MDGA2: variants seen among roughly 807,000 people sequenced by gnomAD.
The protein encoded by MDGA2 is MAM domain containing glycosylphosphatidylinositol anchor 2.
A neutral mutation model predicts 117.8 loss-of-function variants in MDGA2; 40 were observed. The observed-to-expected ratio is 0.34, with a 90% CI of 0.26 to 0.44. MDGA2 has a LOEUF of 0.44. MDGA2 is among the 20% of genes least tolerant of loss of function. MDGA2 has a pLI of 1.00. For missense variants in MDGA2, 1,123 were observed against 1,250.6 expected, an observed-to-expected ratio of 0.90 and a Z score of 1.54; for synonymous variants, 452 against 439.0, an observed-to-expected ratio of 1.03 and a Z score of -0.37.
At chr14:47,476,137 T>C (rs1216730543) in intron 1 of MDGA2, among the ~76,000 whole-genome samples, 1 of 152,184 alleles carries the variant, frequency 6.6e-6, no homozygotes, top group African/African-American at 2.4e-5. Flanking sequence ...CAAAGATCCA[T>C]GAATATAAAC....
At chr14:47,304,454 A>G (rs1889378247) in intron 1 of MDGA2, among the ~76,000 whole-genome samples, 1 of 152,116 alleles carries the variant, frequency 6.6e-6, no homozygotes, top group African/African-American at 2.4e-5. Flanking sequence ...GGCTAGGGGT[A>G]TAAAAAACTA....
chr14:47,108,728 A>G lies in MDGA2; in HGVS notation c.926-11605T>C, dbSNP rs568147515. ...AATAAACAGCCATGTTGCTCACACA[A>G]AGTCTGTTTGGTGCTCTCTTCACAC... On this transcript the variant is annotated intron_variant, in intron 5 of 16. Coordinates refer to ENST00000399232, the MANE Select transcript of MDGA2 (RefSeq NM_001113498.3). 7.9e-5 allele frequency among the ~76,000 whole-genome samples: 12 copies of G among 152,288 alleles called. No homozygotes were observed. The East Asian group carries it at 1.9e-3, about 25-fold the overall frequency.
At chr14:47,385,054 G>A (rs1407576965) in intron 1 of MDGA2, among the ~76,000 whole-genome samples, 2 of 152,088 alleles carry the variant, frequency 1.3e-5, no homozygotes, top group African/African-American at 4.8e-5. Flanking sequence ...ATAATCCTGG[G>A]TGAAGCAGCC....
intron 3 of MDGA2, chr14:47,200,546 TTTTG>T: frequency 1.7e-6 from 1 of 589,282 alleles, no homozygotes; most frequent in Non-Finnish European, 2.6e-6. Context: ...TTTTTTTTTT[TTTTG>T]AGGAGTTAAC....
At chr14:47,124,683 G>T (rs1270624827) in intron 5 of MDGA2, among the ~76,000 whole-genome samples, 1 of 151,986 alleles carries the variant, frequency 6.6e-6, no homozygotes, top group African/African-American at 2.4e-5. Context: ...GTAACCAAGG[G>T]TAAATGAGGT....
At chr14:47,005,655 A>G (rs1200041597) in intron 8 of MDGA2, among the ~76,000 whole-genome samples, 1 of 151,422 alleles carries the variant, frequency 6.6e-6, no homozygotes, top group Non-Finnish European at 1.5e-5. Context: ...TACTCTCTAC[A>G]CTTTGGTTTT....
In MDGA2 at chr14:47,328,733, C is replaced by T. The variant is rs778079850; in HGVS notation, c.281-27183G>A. ...CAACCTTCAGAGAAAAAGCCTTTCA[C>T]TGAAGGAAATTCACATTATAAATAT... On this transcript the variant is annotated intron_variant, in intron 1 of 16. Coordinates refer to ENST00000399232, the MANE Select transcript of MDGA2 (RefSeq NM_001113498.3). Among the ~76,000 whole-genome samples, 3 of 152,202 alleles carry T rather than the reference C, an allele frequency of 2.0e-5. No individual in the cohort carries two copies. In the East Asian group the frequency reaches 5.8e-4, roughly 29 times the overall value.
chr14:47,301,178 C>A (rs1000652712), intron 2 of MDGA2, among the ~76,000 whole-genome samples: 2 of 151,910 alleles, frequency 1.3e-5, no homozygotes, highest in Non-Finnish European at 2.9e-5. Context: ...ACAAAAATTT[C>A]TTTTTTCATC....
chr14:47,440,895 T>A (rs1187685186), intron 1 of MDGA2, among the ~76,000 whole-genome samples: 1 of 152,092 alleles, frequency 6.6e-6, no homozygotes, highest in East Asian at 1.9e-4. Flanking sequence ...AGAGGTAGAA[T>A]TAAATTCAAG....
chr14:47,348,659 T>C (rs1307693292), intron 1 of MDGA2, among the ~76,000 whole-genome samples: 1 of 152,174 alleles, frequency 6.6e-6, no homozygotes, highest in East Asian at 1.9e-4. Context: ...AGGAACAGAA[T>C]ACCTCCTTAA....
chr14:47,139,859 CATATATATATATACACACACACACATAT>C (rs1594661915), intron 4 of MDGA2, among the ~76,000 whole-genome samples: 1 of 137,750 alleles, frequency 7.3e-6, no homozygotes, highest in Non-Finnish European at 1.5e-5. Context: ...TATATATACA[CATATATATATATACACACACACACATAT>C]ATATATATAT....
intron 8 of MDGA2, among the ~76,000 whole-genome samples, chr14:47,001,819 G>T (rs894552708): frequency 6.6e-6 from 1 of 151,980 alleles, no homozygotes; most frequent in Non-Finnish European, 1.5e-5. Context: ...AGAATAAATT[G>T]CCTGGGAGAA....
chr14:47,592,784 T>A (rs575159593), intron 1 of MDGA2, among the ~76,000 whole-genome samples: 46 of 152,172 alleles, frequency 3.0e-4, no homozygotes, highest in Non-Finnish European at 5.0e-4. Context: ...ATAAAAACCC[T>A]GGAAAAATAA....
chr14:47,553,824 C>T (rs1415756956), intron 1 of MDGA2, among the ~76,000 whole-genome samples: 2 of 152,234 alleles, frequency 1.3e-5, no homozygotes, highest in Non-Finnish European at 2.9e-5. Context: ...ATTTTGCACA[C>T]GTTAGGTGTT....
At chr14:47,130,739 A>T (rs1407467109) in intron 5 of MDGA2, among the ~76,000 whole-genome samples, 1 of 152,144 alleles carries the variant, frequency 6.6e-6, no homozygotes, top group African/African-American at 2.4e-5. Context: ...TCAGGCAAAG[A>T]AGAGTAAGAT....
intron 3 of MDGA2, among the ~76,000 whole-genome samples, chr14:47,189,813 G>C (rs1311317603): frequency 6.6e-6 from 1 of 152,134 alleles, no homozygotes; most frequent in Admixed American, 6.6e-5. Context: ...TGTCAGGTAG[G>C]AGATGGACTT....
intron 14 of MDGA2, among the ~76,000 whole-genome samples, chr14:46,856,592 C>T (rs1264075504): frequency 6.6e-6 from 1 of 151,878 alleles, no homozygotes; most frequent in Non-Finnish European, 1.5e-5. Flanking sequence ...TTTCCCTAAG[C>T]GTAATATTGA....
At chr14:46,997,014 G>T in intron 8 of MDGA2, 1 of 349,678 alleles carries the variant, frequency 2.9e-6, no homozygotes, top group East Asian at 7.6e-5. Flanking sequence ...ACTAGGTGTT[G>T]GATTTGATTA....
At chr14:47,107,547 G>T (rs574780324) in intron 5 of MDGA2, among the ~76,000 whole-genome samples, 1 of 151,730 alleles carries the variant, frequency 6.6e-6, no homozygotes, top group Admixed American at 6.6e-5. Flanking sequence ...CTGTACTGCC[G>T]CAAAGCTTCA....
Sources: gnomAD v4.1 joint callset for allele counts (sites outside exome capture counted in the v4.1 genomes callset) on GRCh38, gnomAD v4.1.1 for gene constraint, MANE v1.5 for transcripts, NCBI Gene and HGNC (gene_info 2026-07-23, HGNC 2026-07-21) for gene names.